NRG1: variants seen among roughly 807,000 people sequenced by gnomAD.
The protein encoded by NRG1 is pro-neuregulin-1, membrane-bound isoform.
NRG1 carries 18 observed loss-of-function variants against 63.8 expected under a neutral mutation model. The ratio of observed to expected loss-of-function variants is 0.28; its 90% CI spans 0.19 to 0.42. NRG1 has a LOEUF of 0.42. Among genes scored for constraint, NRG1 ranks in the 10% least tolerant of loss-of-function variants. The pLI is 1.00. For missense variants in NRG1, 762 were observed against 814.7 expected, an observed-to-expected ratio of 0.94 and a Z score of 0.79; for synonymous variants, 302 against 301.3, an observed-to-expected ratio of 1.00 and a Z score of -0.02.
chr8:32,759,154 T>C lies in NRG1; in HGVS notation c.922-152T>C, dbSNP rs547149606. ...CAGGACAGGATTTTCCACCTGGCCA[T>C]TGGGGAAATGGAATTTATTACAAAT... is the stretch of plus-strand genomic sequence containing the variant. On this transcript the variant is annotated intron_variant, in intron 9 of 11. Transcript: ENST00000356819. 72 of 858,984 alleles carry C rather than the reference T, an allele frequency of 8.4e-5. 1 individual carries two copies. In the African/African-American group the frequency reaches 8.7e-4, roughly 10 times the overall value. 53.2% of individuals were successfully genotyped at this position (858,984 alleles called of 1,614,324 possible).
At chr8:31,746,735 A>T (rs1193497983) in intron 1 of NRG1, among the ~76,000 whole-genome samples, 4 of 151,974 alleles carry the variant, frequency 2.6e-5, no homozygotes, top group Non-Finnish European at 5.9e-5. Context: ...TGTTGACAGT[A>T]GCTAAGATTT....
intron 1 of NRG1, among the ~76,000 whole-genome samples, chr8:32,251,155 C>A (rs1263121830): frequency 1.3e-5 from 2 of 151,714 alleles, no homozygotes; most frequent in African/African-American, 4.8e-5. Flanking sequence ...TTTGTTGCAC[C>A]CATCAACCCA....
chr8:31,767,427 T>C lies in NRG1; in HGVS notation c.37+127996T>C, dbSNP rs1818179453. On this transcript the variant is annotated intron_variant, in intron 1 of 10. Coordinates refer to the NRG1 transcript ENST00000519301. Reference sequence around the variant, plus strand: ...TTCTAATATCCCAGTGTTGTATGTATGCTCATTTATGTTCTTGGTTTAACA... The same window carrying C: ...TTCTAATATCCCAGTGTTGTATGTACGCTCATTTATGTTCTTGGTTTAACA... Among the ~76,000 whole-genome samples the C allele has an allele frequency of 1.3e-5, 2 of 152,228 alleles. 1 individual carries two copies. Among genetic ancestry groups the C allele is most frequent in the South Asian group, 4.1e-4 (2 of 4,828 alleles).
chr8:32,162,374 T>G (rs1838928917), intron 1 of NRG1, among the ~76,000 whole-genome samples: 1 of 152,224 alleles, frequency 6.6e-6, no homozygotes, highest in South Asian at 2.1e-4. Flanking sequence ...TTTTTCACCT[T>G]GGATTCAGTT....
Position 32,017,633 on chromosome 8 carries a change from A to G in NRG1, c.37+378202A>G, listed in dbSNP as rs28539793. On this transcript the variant is annotated intron_variant, in intron 1 of 10. Coordinates refer to the NRG1 transcript ENST00000519301. ...TCCCATGACCCCTTCCTTGTGTTCA[A>G]TGAATTTGCTAGAGTAGCTAAGAGA... Among the ~76,000 whole-genome samples, 1,109 of 152,318 alleles carry G rather than the reference A, an allele frequency of 7.3e-3. 12 individuals carry two copies. Among genetic ancestry groups the G allele is most frequent in the African/African-American group, 0.025 (1,045 of 41,564 alleles).
At chr8:32,517,260 C>G (rs1354004420) in intron 1 of NRG1, among the ~76,000 whole-genome samples, 1 of 152,028 alleles carries the variant, frequency 6.6e-6, no homozygotes, top group East Asian at 1.9e-4. Context: ...GGAGTACTTA[C>G]CCACCTTCTT....
chr8:31,894,711 C>T (rs1008959003), intron 1 of NRG1, among the ~76,000 whole-genome samples: 6 of 151,858 alleles, frequency 4.0e-5, no homozygotes, highest in Admixed American at 6.6e-5. Flanking sequence ...CCACCACGCC[C>T]GGCTAATTTT....
intron 1 of NRG1, among the ~76,000 whole-genome samples, chr8:32,319,900 C>G (rs1006062973): frequency 3.9e-5 from 6 of 151,972 alleles, no homozygotes; most frequent in African/African-American, 1.5e-4. Flanking sequence ...AATGCTAATA[C>G]AAAGGAATAC....
intron 1 of NRG1, among the ~76,000 whole-genome samples, chr8:32,328,428 CT>C (rs61698666): frequency 0.029 from 4,074 of 141,208 alleles, 140 homozygotes; most frequent in African/African-American, 0.097. Flanking sequence ...AATTTAACAT[CT>C]TTTTTTTTTT....
chr8:31,869,975 A>T (rs1341215830), intron 1 of NRG1, among the ~76,000 whole-genome samples: 2 of 152,240 alleles, frequency 1.3e-5, no homozygotes, highest in Non-Finnish European at 2.9e-5. Flanking sequence ...AGAAAACAAA[A>T]CAATGAGATT....
chr8:32,157,463 C>T (rs1838240085), intron 1 of NRG1, among the ~76,000 whole-genome samples: 1 of 150,892 alleles, frequency 6.6e-6, no homozygotes, highest in Non-Finnish European at 1.5e-5. Flanking sequence ...AGTCCCAGAC[C>T]AGCCTGGCCA....
At chr8:32,561,529 T>TC (rs1836395583) in intron 1 of NRG1, among the ~76,000 whole-genome samples, 1 of 152,122 alleles carries the variant, frequency 6.6e-6, no homozygotes, top group African/African-American at 2.4e-5. Context: ...TCTTAAACTT[T>TC]TTTTAGCACC....
intron 1 of NRG1, among the ~76,000 whole-genome samples, chr8:32,369,437 G>T (rs909223931): frequency 2.0e-5 from 3 of 152,236 alleles, no homozygotes; most frequent in African/African-American, 7.2e-5. Context: ...ACTCTGGAAA[G>T]TCACTGGGAT....
chr8:31,840,654 G>A (rs889864184), intron 1 of NRG1, among the ~76,000 whole-genome samples: 17 of 152,250 alleles, frequency 1.1e-4, no homozygotes, highest in Admixed American at 9.8e-4. Flanking sequence ...AATCACTAGT[G>A]CACTACACAC....
chr8:31,865,538 A>G (rs2129610945), intron 1 of NRG1, among the ~76,000 whole-genome samples: 1 of 152,208 alleles, frequency 6.6e-6, no homozygotes, highest in South Asian at 2.1e-4. Context: ...TAATTTCATC[A>G]TGGGGGGCAG....
intron 1 of NRG1, among the ~76,000 whole-genome samples, chr8:32,460,833 C>T (rs1171507855): frequency 6.6e-6 from 1 of 152,036 alleles, no homozygotes; most frequent in Non-Finnish European, 1.5e-5. Context: ...TACTTTAAGA[C>T]TTATCTAAGA....
chr8:32,670,830 A>G (rs992872070), intron 5 of NRG1, among the ~76,000 whole-genome samples: 2 of 152,198 alleles, frequency 1.3e-5, no homozygotes, highest in Non-Finnish European at 2.9e-5. Context: ...TGGGTAAGCA[A>G]GGTGATGGAT....
chr8:32,537,220 A>AAAAAAAAAT (rs1832092228), intron 1 of NRG1, among the ~76,000 whole-genome samples: 2 of 149,184 alleles, frequency 1.3e-5, no homozygotes, highest in Non-Finnish European at 3.0e-5. Flanking sequence ...AAAAAAAAAA[A>AAAAAAAAAT]GAATTCTGTT....
chr8:32,550,057 G>A (rs1833838780), intron 1 of NRG1, among the ~76,000 whole-genome samples: 1 of 152,106 alleles, frequency 6.6e-6, no homozygotes, highest in African/African-American at 2.4e-5. Context: ...CTTCTTACTG[G>A]TATCACTGAT....
Sources: allele counts gnomAD v4.1 joint callset (sites outside exome capture counted in the v4.1 genomes callset), GRCh38; gene constraint gnomAD v4.1.1; transcripts MANE v1.5; gene names NCBI Gene and HGNC (gene_info 2026-07-23, HGNC 2026-07-21).